Variants in PDE10A observed in about 807,000 individuals in gnomAD.
PDE10A encodes cAMP and cAMP-inhibited cGMP 3',5'-cyclic phosphodiesterase 10A.
In PDE10A, 39 loss-of-function variants were observed where a neutral mutation model predicts 97.7. That is an observed-to-expected ratio of 0.40 (90% CI 0.31 to 0.52). The LOEUF is 0.52. Among genes scored for constraint, PDE10A ranks in the 20% least tolerant of loss-of-function variants. PDE10A has a pLI of 0.56. For missense variants in PDE10A, 731 were observed against 1,047.8 expected, an observed-to-expected ratio of 0.70 and a Z score of 4.17; for synonymous variants, 371 against 376.8, an observed-to-expected ratio of 0.98 and a Z score of 0.18.
At chr6:165,719,450 C>T (rs369712739) in intron 1 of PDE10A, among the ~76,000 whole-genome samples, 2 of 152,310 alleles carry the variant, frequency 1.3e-5, no homozygotes, top group Admixed American at 6.5e-5. Flanking sequence ...AACAAAATGA[C>T]AAGAATTCAA....
At chr6:165,458,864 A>C (rs1877302) in intron 3 of PDE10A, among the ~76,000 whole-genome samples, 50,009 of 152,002 alleles carry the variant, frequency 0.33, 8,840 homozygotes, top group African/African-American at 0.46. Context: ...TAGCTAAATA[A>C]AAACCCACAT....
At chr6:165,904,242 A>G (rs1782200404) in intron 1 of PDE10A, among the ~76,000 whole-genome samples, 1 of 152,186 alleles carries the variant, frequency 6.6e-6, no homozygotes, top group African/African-American at 2.4e-5. Flanking sequence ...AGGGGACGGA[A>G]TCCGAAGCAG....
At chr6:165,370,280 T>G (rs1784134808) in intron 18 of PDE10A, among the ~76,000 whole-genome samples, 1 of 148,198 alleles carries the variant, frequency 6.7e-6, no homozygotes, top group Admixed American at 6.8e-5. Flanking sequence ...AGACACAGAC[T>G]GGCAAATTGG....
intron 1 of PDE10A, among the ~76,000 whole-genome samples, chr6:165,765,080 C>T (rs1030274246): frequency 2.6e-5 from 4 of 152,194 alleles, no homozygotes; most frequent in African/African-American, 9.7e-5. Context: ...ATTCACAAAC[C>T]CTGAGCTAGA....
chr6:165,486,929 G>C (rs1295782454), intron 2 of PDE10A, among the ~76,000 whole-genome samples: 4 of 152,188 alleles, frequency 2.6e-5, no homozygotes, highest in African/African-American at 9.7e-5. Context: ...TTTCTGACAT[G>C]TTTCAAACAT....
chr6:165,696,051 A>G (rs1791436140), intron 1 of PDE10A, among the ~76,000 whole-genome samples: 1 of 152,092 alleles, frequency 6.6e-6, no homozygotes, highest in South Asian at 2.1e-4. Flanking sequence ...GCCACACCCA[A>G]AGCTATGCCT....
At chr6:165,946,207 A>T (rs1351837593) in intron 1 of PDE10A, among the ~76,000 whole-genome samples, 1 of 152,192 alleles carries the variant, frequency 6.6e-6, no homozygotes, top group Non-Finnish European at 1.5e-5. Context: ...TAATAAGAAT[A>T]TATTGTCGGC....
chr6:165,940,399 A>G (rs1378356524), intron 1 of PDE10A: 1 of 152,288 alleles, frequency 6.6e-6, no homozygotes, highest in African/African-American at 2.4e-5. Context: ...CCGAGCATAA[A>G]GTAGTATCAA....
At chr6:165,887,413 C>T (rs895686236) in intron 1 of PDE10A, among the ~76,000 whole-genome samples, 4 of 152,222 alleles carry the variant, frequency 2.6e-5, no homozygotes, top group African/African-American at 9.6e-5. Flanking sequence ...CCGTCCCCAA[C>T]TTCTGAAGCC....
intron 1 of PDE10A, among the ~76,000 whole-genome samples, chr6:165,622,304 G>A (rs1230610765): frequency 2.6e-5 from 4 of 151,384 alleles, no homozygotes; most frequent in Non-Finnish European, 4.4e-5. Context: ...GTATGTGCAT[G>A]CGTGTGTGTC....
chr6:165,937,647 G>A (rs1013892493), intron 1 of PDE10A, among the ~76,000 whole-genome samples: 2 of 152,182 alleles, frequency 1.3e-5, no homozygotes, highest in South Asian at 2.1e-4. Context: ...TTGAATGAAT[G>A]AAGAGTAAAC....
chr6:165,878,162 C>T (rs1781392819), intron 1 of PDE10A, among the ~76,000 whole-genome samples: 1 of 152,192 alleles, frequency 6.6e-6, no homozygotes, highest in African/African-American at 2.4e-5. Flanking sequence ...TACCCAAAAC[C>T]TGCCACATTT....
rs1787979840 is a variant in PDE10A at position 165,619,469 on chromosome 6, G to GTACTGTAGTGTAATGTAGTCTAGTC, written c.865+42477_865+42478insGACTAGACTACATTACACTACAGTA. Among the ~76,000 whole-genome samples, 4 of 36,170 alleles carry GTACTGTAGTGTAATGTAGTCTAGTC rather than the reference G, an allele frequency of 1.1e-4. 2 individuals carry two copies. Among genetic ancestry groups the GTACTGTAGTGTAATGTAGTCTAGTC allele is most frequent in the African/African-American group, 3.2e-4 (4 of 12,334 alleles). The allele number at this position is 36,170 out of a possible 152,430, so 23.7% of individuals were successfully genotyped here. The stretch of plus-strand genomic sequence containing the variant: ...ATAGTCTAGTGTAGTGTAGTCTAGT[G>GTACTGTAGTGTAATGTAGTCTAGTC]TAGTGTAGTCTAGTGTAGTCTAGTG... On this transcript the variant is annotated intron_variant, in intron 1 of 21. Transcript: ENST00000539869.
intron 1 of PDE10A, among the ~76,000 whole-genome samples, chr6:165,701,783 G>C (rs1420384875): frequency 1.3e-5 from 2 of 151,292 alleles, no homozygotes; most frequent in African/African-American, 4.9e-5. Context: ...TTGCGTGTGT[G>C]TGTGTGCATG....
intron 1 of PDE10A, among the ~76,000 whole-genome samples, chr6:165,801,819 T>A (rs1271167489): frequency 6.6e-6 from 1 of 152,130 alleles, no homozygotes; most frequent in African/African-American, 2.4e-5. Context: ...GAGAGAGTGG[T>A]GCAGGAGAGA....
At chr6:165,874,359 A>G (rs545928175) in intron 1 of PDE10A, among the ~76,000 whole-genome samples, 1 of 129,988 alleles carries the variant, frequency 7.7e-6, no homozygotes, top group African/African-American at 2.9e-5. Flanking sequence ...GTGGAAGAGA[A>G]CTTATTTCGC....
At chr6:165,703,390 T>A (rs1791629452) in intron 1 of PDE10A, among the ~76,000 whole-genome samples, 1 of 152,176 alleles carries the variant, frequency 6.6e-6, no homozygotes, top group African/African-American at 2.4e-5. Context: ...GTAAAAGGGT[T>A]TTGTAAGTAA....
rs1406333406 is a variant in PDE10A, at chr6:165,663,147, G to GAGCCTCGGCGGCTT, written c.-350_-337dup. ...GTGGTGTGTGCGCGCTCCGGCGGCT[G>GAGCCTCGGCGGCTT]AGCCTCGGCGGCTTCTCGAAAGCAG... On this transcript the variant is annotated 5_prime_UTR_variant, in exon 1 of 22. Transcript: ENST00000539869. 6.6e-6 allele frequency among the ~76,000 whole-genome samples: 1 copy of GAGCCTCGGCGGCTT among 151,892 alleles called. No homozygotes were observed. The highest frequency in any genetic ancestry group is 2.1e-4 in the South Asian group (1 of 4,832).
intron 3 of PDE10A, among the ~76,000 whole-genome samples, chr6:165,477,001 G>A (rs1779331979): frequency 6.6e-6 from 1 of 152,098 alleles, no homozygotes; most frequent in Non-Finnish European, 1.5e-5. Context: ...CACTTAAAAA[G>A]AGTAATAGTA....
Sources: gnomAD v4.1 joint callset for allele counts (sites outside exome capture counted in the v4.1 genomes callset) on GRCh38, gnomAD v4.1.1 for gene constraint, MANE v1.5 for transcripts, NCBI Gene and HGNC (gene_info 2026-07-23, HGNC 2026-07-21) for gene names.